Variants in OPCML observed in about 807,000 individuals in gnomAD.
OPCML encodes opioid binding protein/cell adhesion molecule like.
OPCML carries 13 observed loss-of-function variants against 37.8 expected under a neutral mutation model. That is an observed-to-expected ratio of 0.34 (90% confidence interval 0.22 to 0.55). OPCML has a LOEUF of 0.55. Ranked by LOEUF, OPCML falls within the 20% of genes least tolerant of loss-of-function variation. The pLI is 0.91. For synonymous variants in OPCML, 176 were observed against 168.8 expected (o/e 1.04, Z -0.33); for missense variants, 341 against 435.6 (o/e 0.78, Z 1.93).
chr11:132,663,770 A>G (rs934235649), intron 2 of OPCML, among the ~76,000 whole-genome samples: 2 of 152,240 alleles, frequency 1.3e-5, no homozygotes, highest in Admixed American at 1.3e-4. Context: ...CAGGCCTTAC[A>G]GCAGTCAGTG....
In OPCML at chr11:133,220,943, G is replaced by A. The variant is rs918454187; in HGVS notation, c.62-277933C>T. ...GTGCGTCACTGACTCGAAATTGGAC[G>A]GAACTAATCTCACGGCTGTATGGCC... On this transcript the variant is annotated intron_variant, in intron 1 of 7. Transcript: ENST00000524381. Among the ~76,000 whole-genome samples, 21 of 152,162 alleles carry A rather than the reference G, an allele frequency of 1.4e-4. 1 individual carries two copies. Among genetic ancestry groups the A allele is most frequent in the Non-Finnish European group, 1.0e-4 (7 of 68,036 alleles).
chr11:132,553,440 T>C (rs978880701), intron 3 of OPCML, among the ~76,000 whole-genome samples: 4 of 152,122 alleles, frequency 2.6e-5, no homozygotes, highest in Non-Finnish European at 4.4e-5. Context: ...AGCCCCAGTG[T>C]ACCGACAAGT....
chr11:133,209,614 T>C (rs1475804053), intron 1 of OPCML, among the ~76,000 whole-genome samples: 1 of 152,198 alleles, frequency 6.6e-6, no homozygotes, highest in African/African-American at 2.4e-5. Context: ...AGAATTCTGA[T>C]AGAGGAACGT....
At chr11:133,372,857 A>C (rs1229616631) in intron 1 of OPCML, among the ~76,000 whole-genome samples, 1 of 152,148 alleles carries the variant, frequency 6.6e-6, no homozygotes, top group East Asian at 1.9e-4. Context: ...TCCTCTTCCA[A>C]TTTAAATAAT....
intron 1 of OPCML, among the ~76,000 whole-genome samples, chr11:133,112,285 C>CAAAAAAAA (rs370146450): frequency 6.7e-4 from 33 of 49,114 alleles, no homozygotes; most frequent in East Asian, 3.4e-3. Context: ...GACTCTTGGC[C>CAAAAAAAA]AAAAAAAAAA....
intron 2 of OPCML, among the ~76,000 whole-genome samples, chr11:132,712,654 TC>T (rs1399763981): frequency 6.6e-6 from 1 of 152,216 alleles, no homozygotes; most frequent in Non-Finnish European, 1.5e-5. Context: ...CACGTTTCAT[TC>T]GCTGACAAGC....
At chr11:133,164,537 A>G (rs1950184237) in intron 1 of OPCML, among the ~76,000 whole-genome samples, 2 of 152,320 alleles carry the variant, frequency 1.3e-5, no homozygotes, top group South Asian at 4.1e-4. Flanking sequence ...CCATCACTCG[A>G]GACCGCAGGT....
intron 7 of OPCML, among the ~76,000 whole-genome samples, chr11:132,431,553 A>C (rs1207824692): frequency 6.6e-6 from 1 of 152,156 alleles, no homozygotes; most frequent in Non-Finnish European, 1.5e-5. Flanking sequence ...GATAAAGAAG[A>C]AGCATTTCAT....
chr11:132,954,556 G>A (rs774287104), intron 1 of OPCML, among the ~76,000 whole-genome samples: 1 of 152,178 alleles, frequency 6.6e-6, no homozygotes, highest in Non-Finnish European at 1.5e-5. Flanking sequence ...AAGAATAGTT[G>A]ATACTGAGTA....
In OPCML at chr11:133,173,339, A is replaced by G. The variant is rs513787; in HGVS notation, c.62-230329T>C. Among the ~76,000 whole-genome samples the G allele has an allele frequency of 0.49, 73,912 of 152,058 alleles. 18,506 individuals are homozygous for G. Among genetic ancestry groups the G allele is most frequent in the South Asian group, 0.61 (2,955 of 4,816 alleles). On this transcript the variant is annotated intron_variant, in intron 1 of 7. Coordinates refer to ENST00000524381, the MANE Select transcript of OPCML (RefSeq NM_001012393.5). This position sits in a 1 kb window ranked among gnomAD's most constrained non-coding sequence, Gnocchi z 7.8. ...TATCTGTCTCTACTTGTAGACCCCA[A>G]CATTCTTGGAGTCTGAGACTCATAG...
At chr11:133,405,839 G>A (rs150854999) in intron 1 of OPCML, among the ~76,000 whole-genome samples, 317 of 152,080 alleles carry the variant, frequency 2.1e-3, no homozygotes, top group African/African-American at 7.1e-3. Context: ...CCAAATCTAG[G>A]CCCAATCTGC....
chr11:132,638,172 T>TATATATATATATAC (rs1343045819), intron 3 of OPCML, among the ~76,000 whole-genome samples: 1 of 19,858 alleles, frequency 5.0e-5, no homozygotes, highest in Non-Finnish European at 9.4e-5. Flanking sequence ...ACTATATATA[T>TATATATATATATAC]ATATATATAT....
chr11:133,135,939 C>T (rs541717647), intron 1 of OPCML, among the ~76,000 whole-genome samples: 1 of 152,314 alleles, frequency 6.6e-6, no homozygotes, highest in East Asian at 1.9e-4. Flanking sequence ...CCATATGTAA[C>T]AGCGGCAGAA....
intron 1 of OPCML, among the ~76,000 whole-genome samples, chr11:133,214,872 CACTT>C (rs1222540513): frequency 6.6e-6 from 1 of 152,224 alleles, no homozygotes; most frequent in East Asian, 1.9e-4. Context: ...TGTCACATTA[CACTT>C]ACTTACGAAC....
chr11:133,012,882 A>T (rs572960952), intron 1 of OPCML, among the ~76,000 whole-genome samples: 1 of 151,926 alleles, frequency 6.6e-6, no homozygotes, highest in Non-Finnish European at 1.5e-5. Context: ...AAAAAAAAAA[A>T]AAAAAGAAAA....
At chr11:133,035,132 T>C (rs1390144983) in intron 1 of OPCML, among the ~76,000 whole-genome samples, 1 of 152,158 alleles carries the variant, frequency 6.6e-6, no homozygotes, top group Non-Finnish European at 1.5e-5. Flanking sequence ...GAGGGTACTG[T>C]TGATATGCAG....
chr11:132,571,441 T>A (rs1233503713), intron 3 of OPCML, among the ~76,000 whole-genome samples: 1 of 152,156 alleles, frequency 6.6e-6, no homozygotes, highest in Non-Finnish European at 1.5e-5. Context: ...CTAATATACC[T>A]TAGCTTCCAG....
intron 1 of OPCML, among the ~76,000 whole-genome samples, chr11:133,175,075 T>C (rs750186033): frequency 2.0e-5 from 3 of 152,200 alleles, no homozygotes; most frequent in Non-Finnish European, 4.4e-5. Context: ...CTGCACGCCT[T>C]GTTAATCTTG....
chr11:133,248,819 G>C (rs1289208287), intron 1 of OPCML, among the ~76,000 whole-genome samples: 3 of 152,190 alleles, frequency 2.0e-5, no homozygotes. Flanking sequence ...GGAATTTACA[G>C]TCATAGCATT....
Sources: gnomAD v4.1 joint callset for allele counts (sites outside exome capture counted in the v4.1 genomes callset) on GRCh38, gnomAD v4.1.1 for gene constraint, Gnocchi (gnomAD v3.1) non-coding constraint, MANE v1.5 for transcripts, NCBI Gene and HGNC (gene_info 2026-07-23, HGNC 2026-07-21) for gene names.